Variants in ARHGAP15 observed in about 807,000 individuals in gnomAD.
ARHGAP15 encodes Rho GTPase activating protein 15.
ARHGAP15 carries 51 observed loss-of-function variants against 63.7 expected under a neutral mutation model. That is an observed-to-expected ratio of 0.80 (90% CI 0.64 to 1.01). The LOEUF is 1.01. Among genes scored for constraint, ARHGAP15 ranks in the 50% least tolerant of loss-of-function variants. ARHGAP15 has a pLI of 0.00. For synonymous variants in ARHGAP15, 191 were observed against 193.8 expected (o/e 0.99, Z 0.12); for missense variants, 560 against 564.6 (o/e 0.99, Z 0.08).
At chr2:143,419,042 T>G (rs1688799669) in intron 6 of ARHGAP15, among the ~76,000 whole-genome samples, 1 of 152,062 alleles carries the variant, frequency 6.6e-6, no homozygotes, top group South Asian at 2.1e-4. Context: ...TGGGGAAAAT[T>G]TATGTGGTAA....
chr2:143,455,443 C>T (rs960942362), intron 8 of ARHGAP15, among the ~76,000 whole-genome samples: 2 of 151,968 alleles, frequency 1.3e-5, no homozygotes, highest in Admixed American at 6.6e-5. Context: ...GACCTCCTAT[C>T]TCATCCTGTG....
rs969310744 is a variant in ARHGAP15 at position 143,165,911 on chromosome 2, C to G, written c.165+10256C>G. Among the ~76,000 whole-genome samples the G allele has an allele frequency of 3.2e-5, 4 of 124,576 alleles. 1 individual carries two copies. In the South Asian group the frequency reaches 7.4e-4, roughly 23 times the overall value. The allele number at this position is 124,576 out of a possible 152,430, so 81.7% of individuals were successfully genotyped here. On this transcript the variant is annotated intron_variant, in intron 2 of 13. Coordinates refer to ENST00000295095, the MANE Select transcript of ARHGAP15 (RefSeq NM_018460.4). ...TTCCTGGATGTACTATCCTTAACCTCCATGCCTTTAACGTCAAGAAAGAAA... is the reference window on the plus strand; with the variant it reads ...TTCCTGGATGTACTATCCTTAACCTGCATGCCTTTAACGTCAAGAAAGAAA...
intron 9 of ARHGAP15, among the ~76,000 whole-genome samples, chr2:143,502,068 G>A (rs761287618): frequency 3.9e-5 from 6 of 152,090 alleles, no homozygotes; most frequent in Non-Finnish European, 7.4e-5. Context: ...AAAATGTTTG[G>A]GGACACAAGA....
rs142943063 is a variant in ARHGAP15, at chr2:143,435,771, T to G, written c.573+72T>G. The G allele has an allele frequency of 4.1e-4, 586 of 1,413,800 alleles. 1 individual carries two copies. In the African/African-American group the frequency reaches 7.6e-3, roughly 18 times the overall value. The allele number at this position is 1,413,800 out of a possible 1,614,324, so 87.6% of individuals were successfully genotyped here. On this transcript the variant is annotated intron_variant, in intron 7 of 13. Transcript: ENST00000295095. Reference sequence around the variant, plus strand: ...ATTTAAATCTTATTGCTCAGGCATATAACACACACACTCATTTAAATAGAT... The same window carrying G: ...ATTTAAATCTTATTGCTCAGGCATAGAACACACACACTCATTTAAATAGAT...
At chr2:143,661,345 C>T (rs147849158) in intron 12 of ARHGAP15, among the ~76,000 whole-genome samples, 10 of 152,064 alleles carry the variant, frequency 6.6e-5, no homozygotes, top group African/African-American at 1.4e-4. Flanking sequence ...CACGTTAAGT[C>T]GATATAACAT....
intron 6 of ARHGAP15, among the ~76,000 whole-genome samples, chr2:143,272,657 A>C (rs1681348419): frequency 6.6e-6 from 1 of 152,170 alleles, no homozygotes. Flanking sequence ...GTCGCAAAAA[A>C]AATAAAAAAA....
intron 4 of ARHGAP15, 107 bp downstream of exon 4, chr2:143,216,552 A>G (rs1030578242): frequency 1.3e-6 from 1 of 747,262 alleles, no homozygotes; most frequent in Admixed American, 2.6e-5. Context: ...GTACCAGACT[A>G]GAACAGTCTC....
chr2:143,292,199 G>T (rs1010966194), intron 6 of ARHGAP15, among the ~76,000 whole-genome samples: 5 of 152,050 alleles, frequency 3.3e-5, no homozygotes, highest in Admixed American at 2.0e-4. Flanking sequence ...CCATTTTGGG[G>T]TGACAGTTAG....
intron 6 of ARHGAP15, among the ~76,000 whole-genome samples, chr2:143,379,838 A>G (rs1054952174): frequency 6.6e-6 from 1 of 152,086 alleles, no homozygotes; most frequent in Non-Finnish European, 1.5e-5. Context: ...ATACACAAAT[A>G]GGTAAATTTT....
intron 13 of ARHGAP15, among the ~76,000 whole-genome samples, chr2:143,721,061 C>CAAAAAA (rs60500194): frequency 0.26 from 20,558 of 77,888 alleles, 4,325 homozygotes; most frequent in Non-Finnish European, 0.36. Context: ...GACTCCGTCT[C>CAAAAAA]AAAAAAAAAA....
intron 6 of ARHGAP15, among the ~76,000 whole-genome samples, chr2:143,298,670 A>G (rs1238641514): frequency 6.6e-6 from 1 of 151,972 alleles, no homozygotes; most frequent in African/African-American, 2.4e-5. Context: ...ATATGTTAAT[A>G]AAATCCACAT....
At chr2:143,217,558 A>G (rs1692802895) in intron 4 of ARHGAP15, among the ~76,000 whole-genome samples, 1 of 152,146 alleles carries the variant, frequency 6.6e-6, no homozygotes, top group Admixed American at 6.5e-5. Context: ...GATCAAATGC[A>G]AGGTTGCTTT....
chr2:143,292,384 C>A (rs919503951), intron 6 of ARHGAP15, among the ~76,000 whole-genome samples: 32 of 152,060 alleles, frequency 2.1e-4, no homozygotes, highest in African/African-American at 5.1e-4. Flanking sequence ...CCATTTATAC[C>A]TTGAACTAAG....
intron 6 of ARHGAP15, among the ~76,000 whole-genome samples, chr2:143,345,059 G>A (rs908459459): frequency 4.6e-5 from 7 of 152,020 alleles, no homozygotes; most frequent in African/African-American, 1.7e-4. Context: ...GCAGTTCAGA[G>A]GTTAGGGTTG....
chr2:143,693,101 T>TCC (rs1246176267), intron 12 of ARHGAP15, among the ~76,000 whole-genome samples: 1 of 152,094 alleles, frequency 6.6e-6, no homozygotes, highest in Non-Finnish European at 1.5e-5. Context: ...TTCATTCATA[T>TCC]CCCCCCAGCT....
intron 12 of ARHGAP15, chr2:143,656,089 TC>T (rs1401937605): frequency 6.6e-6 from 1 of 152,178 alleles, no homozygotes; most frequent in African/African-American, 2.4e-5. Flanking sequence ...TATAATAGTT[TC>T]TTAGTTATTG....
At position 143,307,739 on chromosome 2, in the gene ARHGAP15, A is replaced by G. The variant is rs868409568; in HGVS notation, c.474+57139A>G. ...CCAGTTTACCTTCCAATGACTTAGG[A>G]CTGAGAGAGCTGAACATTAGGGGGT... On this transcript the variant is annotated intron_variant, in intron 6 of 13. Transcript: ENST00000295095. Among the ~76,000 whole-genome samples, 13 of 152,256 alleles carry G rather than the reference A, an allele frequency of 8.5e-5. 1 individual carries two copies. Among genetic ancestry groups the G allele is most frequent in the Middle Eastern group, 3.4e-3 (1 of 294 alleles).
rs1574061273 is a variant in ARHGAP15, at chr2:143,183,550, A to T, written c.166-18584A>T. On this transcript the variant is annotated intron_variant, in intron 2 of 13. Transcript: ENST00000295095. Reference sequence around the variant, plus strand: ...TAAAAATGATTAAGTATATAAAAGTATCTAAAAAGGATAAGATAAGAAATA... The same window carrying T: ...TAAAAATGATTAAGTATATAAAAGTTTCTAAAAAGGATAAGATAAGAAATA... Among the ~76,000 whole-genome samples the T allele has an allele frequency of 3.3e-5, 5 of 152,292 alleles. 1 individual carries two copies. Among genetic ancestry groups the T allele is most frequent in the Admixed American group, 3.3e-4 (5 of 15,296 alleles).
intron 6 of ARHGAP15, among the ~76,000 whole-genome samples, chr2:143,433,159 A>G (rs752322479): frequency 6.6e-6 from 1 of 152,084 alleles, no homozygotes; most frequent in Admixed American, 6.6e-5. Flanking sequence ...CAAACCATTT[A>G]TCAGAAATCC....
Sources: allele counts gnomAD v4.1 joint callset (sites outside exome capture counted in the v4.1 genomes callset), GRCh38; gene constraint gnomAD v4.1.1; transcripts MANE v1.5; gene names NCBI Gene and HGNC (gene_info 2026-07-23, HGNC 2026-07-21).